PXDC1: variants seen among roughly 807,000 people sequenced by gnomAD.
PXDC1 encodes the protein PX domain containing 1.
A neutral mutation model predicts 24.4 loss-of-function variants in PXDC1; 13 were observed. The observed-to-expected ratio is 0.53, with a 90% CI of 0.35 to 0.85. PXDC1 has a LOEUF of 0.85. PXDC1 is among the 40% of genes least tolerant of loss of function. The pLI is 0.01. For missense variants in PXDC1, 344 were observed against 309.3 expected (o/e 1.11, Z -0.84); for synonymous variants, 162 against 124.9 (o/e 1.30, Z -1.98).
chr6:3,738,970 C>G, intron 1 of PXDC1: 4 of 1,290,818 alleles, frequency 3.1e-6, no homozygotes, highest in Non-Finnish European at 4.1e-6. Flanking sequence ...GCAAACGTGC[C>G]TGTGAGCGGT....
chr6:3,729,469 C>T (rs1256772380), intron 3 of PXDC1, among the ~76,000 whole-genome samples: 1 of 152,170 alleles, frequency 6.6e-6, no homozygotes, highest in Admixed American at 6.5e-5. Context: ...CTCTTCCCTG[C>T]CCTCCTCCCT....
chr6:3,748,318 G>A (rs997213401), intron 1 of PXDC1, among the ~76,000 whole-genome samples: 2 of 152,130 alleles, frequency 1.3e-5, no homozygotes, highest in Non-Finnish European at 2.9e-5. Flanking sequence ...GGGAGAGGGG[G>A]CATATCCAAT....
rs1480230933 is a variant in PXDC1, at chr6:3,751,405, T to C, written c.127A>G (p.Thr43Ala). 2 of 1,577,662 alleles carry C rather than the reference T, an allele frequency of 1.3e-6. No individual in the cohort carries two copies. The highest frequency in any genetic ancestry group is 1.7e-6 in the Non-Finnish European group (2 of 1,162,838). Reference protein sequence around the residue: ...GDEEEFFEIRTEWSDRSVLYL... With the variant: ...GDEEEFFEIRAEWSDRSVLYL... Reference sequence around the variant, plus strand: ...AGCACGCTGCGGTCCGACCACTCCGTGCGGATCTCGAAGAACTCCTCTTCG... The same window carrying C: ...AGCACGCTGCGGTCCGACCACTCCGCGCGGATCTCGAAGAACTCCTCTTCG... Residue 43 changes from threonine (T) to alanine (A), a missense_variant, in exon 1 of 5, where the codon ACG (threonine) becomes GCG (alanine). Coordinates refer to ENST00000380283, the MANE Select transcript of PXDC1 (RefSeq NM_183373.4).
chr6:3,750,858 G>A (rs1452276806), intron 1 of PXDC1, among the ~76,000 whole-genome samples: 1 of 152,150 alleles, frequency 6.6e-6, no homozygotes, highest in Non-Finnish European at 1.5e-5. Context: ...GGACCCTGCA[G>A]TTAACTGCTC....
intron 3 of PXDC1, among the ~76,000 whole-genome samples, chr6:3,729,397 A>T (rs1212855416): frequency 6.6e-6 from 1 of 152,194 alleles, no homozygotes; most frequent in Non-Finnish European, 1.5e-5. Context: ...GGTCATTGCT[A>T]AAATTCCACC....
At chr6:3,726,353 G>A (rs1213333402) in intron 4 of PXDC1, among the ~76,000 whole-genome samples, 1 of 152,266 alleles carries the variant, frequency 6.6e-6, no homozygotes, top group African/African-American at 2.4e-5. Context: ...GCTATGTACA[G>A]TGGGGTCAGG....
chr6:3,751,280 C>A lies in PXDC1; in HGVS notation c.252G>T (p.Arg84=). The change falls in exon 1 of 5, where the codon CGG becomes CGT. Residue 84 remains arginine (R), a synonymous_variant. Coordinates refer to ENST00000380283, the MANE Select transcript of PXDC1 (RefSeq NM_183373.4). The part of the protein sequence containing the change: ...DRSELAQGPL[R]QGLVAIKEAH... ...CCCGCGTCCCCGGCCCCGCACCTTG[C>A]CGCAGCGGCCCCTGCGCCAGTTCGG... 6.6e-7 allele frequency: 1 copy of A among 1,516,618 alleles called. No individual in the cohort carries two copies. The highest frequency in any genetic ancestry group is 1.2e-5 in the South Asian group (1 of 81,516). The allele number at this position is 1,516,618 out of a possible 1,614,324, so 93.9% of individuals were successfully genotyped here. A position where few individuals can be genotyped will look rare whatever the true frequency, so the allele number is the denominator to read the frequency against.
rs534406480 is a variant in PXDC1, at chr6:3,737,775, T to C, written c.348+282A>G. The C allele has an allele frequency of 1.4e-4, 101 of 722,066 alleles. No homozygotes were observed. The African/African-American group carries it at 1.9e-3, about 13-fold the overall frequency. 44.7% of individuals were successfully genotyped at this position (722,066 alleles called of 1,614,324 possible). A position where few individuals can be genotyped will look rare whatever the true frequency, so the allele number is the denominator to read the frequency against. ...AAAGGCCTCCTGCAGCCAGAGGGGA[T>C]CCGCACCCTTCCACCCATGCCTCCT... is the stretch of plus-strand genomic sequence containing the variant. On this transcript the variant is annotated intron_variant, in intron 2 of 4. Transcript: ENST00000380283. This position sits in a 1 kb window ranked among gnomAD's most constrained non-coding sequence, Gnocchi z 5.5.
chr6:3,733,511 C>T (rs999964873), intron 3 of PXDC1, among the ~76,000 whole-genome samples: 6 of 152,088 alleles, frequency 3.9e-5, no homozygotes, highest in African/African-American at 2.4e-5. Flanking sequence ...CAGTGAGGGG[C>T]GAGCTAGACC....
chr6:3,745,064 C>G (rs1760536099), intron 1 of PXDC1, among the ~76,000 whole-genome samples: 1 of 152,218 alleles, frequency 6.6e-6, no homozygotes, highest in African/African-American at 2.4e-5. Flanking sequence ...TGGCCCACAC[C>G]CAGCACCAAT....
intron 1 of PXDC1, among the ~76,000 whole-genome samples, chr6:3,739,729 C>T (rs1760412828): frequency 6.6e-6 from 1 of 152,252 alleles, no homozygotes; most frequent in Non-Finnish European, 1.5e-5. Flanking sequence ...ACAAAAGTAC[C>T]AGACTCTCCG....
In PXDC1 at chr6:3,737,348, G is replaced by T; in HGVS notation, c.349-152C>A. The T allele has an allele frequency of 1.5e-6, 1 of 649,614 alleles. No individual in the cohort carries two copies. Among genetic ancestry groups the T allele is most frequent in the East Asian group, 2.7e-5 (1 of 37,076 alleles). 40.2% of individuals were successfully genotyped at this position (649,614 alleles called of 1,614,324 possible). ...CAGATGCTCCCATGGCTGGCCGCAG[G>T]GGCGGGGCTGCCATCACTGCACAGC... On this transcript the variant is annotated intron_variant, in intron 2 of 4. Transcript: ENST00000380283. This position sits in a 1 kb window ranked among gnomAD's most constrained non-coding sequence, Gnocchi z 5.5.
chr6:3,731,548 T>G (rs1760196355), intron 3 of PXDC1, among the ~76,000 whole-genome samples: 1 of 152,356 alleles, frequency 6.6e-6, no homozygotes, highest in East Asian at 1.9e-4. Flanking sequence ...GCCCTGCTCT[T>G]CCATGGAAAC....
rs192390061 is a variant in PXDC1 at position 3,728,317 on chromosome 6, T to A, written c.467-655A>T. ...CCCAAAGTCCATGATATCATTCTTA[T>A]GCCTTCGCATCCTCATAGCTTAGCT... On this transcript the variant is annotated intron_variant, in intron 3 of 4. Transcript: ENST00000380283. The surrounding 1 kb of genome is among the most constrained non-coding windows in gnomAD (Gnocchi z 4.0). 6.6e-6 allele frequency among the ~76,000 whole-genome samples: 1 copy of A among 152,358 alleles called. No homozygotes were observed. Among genetic ancestry groups the A allele is most frequent in the East Asian group, 1.9e-4 (1 of 5,188 alleles).
intron 4 of PXDC1, 118 bp downstream of exon 4, chr6:3,727,433 A>C: frequency 1.6e-6 from 1 of 640,442 alleles, no homozygotes; most frequent in Non-Finnish European, 2.8e-6. Flanking sequence ...AAATGCAGGT[A>C]GGAACTGCTG....
chr6:3,743,381 C>T (rs144414546), intron 1 of PXDC1, among the ~76,000 whole-genome samples: 2,946 of 152,142 alleles, frequency 0.019, 76 homozygotes, highest in Non-Finnish European at 0.022. Context: ...CCATAAATTA[C>T]ATTTATATTG....
At chr6:3,727,997 G>A (rs959868447) in intron 3 of PXDC1, among the ~76,000 whole-genome samples, 1 of 152,144 alleles carries the variant, frequency 6.6e-6, no homozygotes, top group Non-Finnish European at 1.5e-5. Context: ...GTGAGTCTGC[G>A]TGTGAGAGCA....
chr6:3,736,214 A>G (rs1426584591), intron 3 of PXDC1, among the ~76,000 whole-genome samples: 1 of 152,044 alleles, frequency 6.6e-6, no homozygotes, highest in Non-Finnish European at 1.5e-5. Context: ...CTCCCTTGAC[A>G]TCCTTCTGAG....
At chr6:3,730,614 GC>G (rs1353323970) in intron 3 of PXDC1, among the ~76,000 whole-genome samples, 1 of 152,194 alleles carries the variant, frequency 6.6e-6, no homozygotes, top group East Asian at 1.9e-4. Flanking sequence ...TGTAGCCTGT[GC>G]CCCGTTTCAA....
Sources: allele counts gnomAD v4.1 joint callset (sites outside exome capture counted in the v4.1 genomes callset), GRCh38; gene constraint gnomAD v4.1.1; non-coding constraint Gnocchi (gnomAD v3.1); transcripts MANE v1.5; gene names NCBI Gene and HGNC (gene_info 2026-07-23, HGNC 2026-07-21).